Variants in PDE4D observed in about 807,000 individuals in gnomAD.
PDE4D encodes the protein 3',5'-cyclic-AMP phosphodiesterase 4D.
A neutral mutation model predicts 87.4 loss-of-function variants in PDE4D; 24 were observed. That is an observed-to-expected ratio of 0.27 (90% CI 0.20 to 0.39). The LOEUF is 0.39. PDE4D is among the 10% of genes least tolerant of loss of function. The pLI, the probability that PDE4D is intolerant of heterozygous loss-of-function variation, is 1.00. For missense variants in PDE4D, 714 were observed against 1,041.0 expected, an observed-to-expected ratio of 0.69 and a Z score of 4.32; for synonymous variants, 384 against 383.2, an observed-to-expected ratio of 1.00 and a Z score of -0.02.
chr5:59,472,264 T>C (rs1351938317), intron 1 of PDE4D, among the ~76,000 whole-genome samples: 1 of 152,184 alleles, frequency 6.6e-6, no homozygotes, highest in Non-Finnish European at 1.5e-5. Flanking sequence ...TTTGAAATCA[T>C]ACCACATATT....
chr5:60,462,293 C>G (rs1277029866), intron 1 of PDE4D, among the ~76,000 whole-genome samples: 1 of 152,090 alleles, frequency 6.6e-6, no homozygotes, highest in Non-Finnish European at 1.5e-5. Flanking sequence ...TGTGCGCACC[C>G]CTAGGCCTGA....
intron 1 of PDE4D, among the ~76,000 whole-genome samples, chr5:59,754,995 C>G (rs1321373034): frequency 6.6e-6 from 1 of 151,982 alleles, no homozygotes; most frequent in Non-Finnish European, 1.5e-5. Context: ...TGTCCCTCTT[C>G]CTATGGTGGA....
chr5:59,995,403 T>C (rs1432904819), intron 2 of PDE4D, among the ~76,000 whole-genome samples: 2 of 149,376 alleles, frequency 1.3e-5, no homozygotes, highest in South Asian at 2.2e-4. Context: ...ACTGCAACCC[T>C]CGCCTTCCAA....
chr5:59,929,889 T>C (rs922675088), intron 3 of PDE4D, among the ~76,000 whole-genome samples: 12 of 152,142 alleles, frequency 7.9e-5, no homozygotes, highest in East Asian at 1.9e-4. Flanking sequence ...GAAACCATAA[T>C]GTAAGTTTGA....
At chr5:60,430,358 A>G in intron 1 of PDE4D, 1 of 418,560 alleles carries the variant, frequency 2.4e-6, no homozygotes, top group Non-Finnish European at 4.7e-6. Context: ...ATCTTCCACT[A>G]CTTCCCCTCT....
chr5:60,144,388 T>C (rs947451902), intron 2 of PDE4D, among the ~76,000 whole-genome samples: 2 of 152,182 alleles, frequency 1.3e-5, no homozygotes, highest in East Asian at 3.8e-4. Flanking sequence ...CATTTCTTTC[T>C]ATTGCTCATC....
intron 1 of PDE4D, among the ~76,000 whole-genome samples, chr5:59,416,483 T>A (rs1202699244): frequency 6.6e-6 from 1 of 152,180 alleles, no homozygotes; most frequent in Admixed American, 6.5e-5. Context: ...AGATGTTTGC[T>A]CTACTAAGAG....
At chr5:60,468,252 C>T (rs1260978268) in intron 1 of PDE4D, among the ~76,000 whole-genome samples, 3 of 151,118 alleles carry the variant, frequency 2.0e-5, no homozygotes, top group Admixed American at 2.0e-4. Flanking sequence ...AATTCTCCCA[C>T]CTCAGCCTCC....
chr5:59,969,589 A>G (rs1034742031), intron 3 of PDE4D, among the ~76,000 whole-genome samples: 2 of 152,084 alleles, frequency 1.3e-5, no homozygotes, highest in African/African-American at 4.8e-5. Flanking sequence ...GTCCCCACCC[A>G]TATCTCATCT....
intron 3 of PDE4D, among the ~76,000 whole-genome samples, chr5:59,985,287 C>T (rs1451526833): frequency 1.3e-5 from 2 of 151,744 alleles, no homozygotes; most frequent in African/African-American, 2.4e-5. Flanking sequence ...TGCAGGCACA[C>T]ACTGCCAAGC....
intron 1 of PDE4D, among the ~76,000 whole-genome samples, chr5:59,729,935 A>C (rs1757143404): frequency 6.6e-6 from 1 of 152,090 alleles, no homozygotes; most frequent in African/African-American, 2.4e-5. Context: ...ACAAATGTAC[A>C]AAATAGCCCC....
intron 1 of PDE4D, among the ~76,000 whole-genome samples, chr5:59,675,331 T>A (rs1444148461): frequency 3.3e-5 from 5 of 152,106 alleles, no homozygotes; most frequent in African/African-American, 4.8e-5. Flanking sequence ...ACTCATAATG[T>A]CACAACTGTT....
chr5:59,501,285 G>A (rs1223861511), intron 1 of PDE4D, among the ~76,000 whole-genome samples: 2 of 152,060 alleles, frequency 1.3e-5, no homozygotes, highest in East Asian at 3.9e-4. Flanking sequence ...TCCTTTATCT[G>A]TGCTGGGATA....
At chr5:60,297,797 CA>C (rs1272118000) in intron 1 of PDE4D, among the ~76,000 whole-genome samples, 1 of 152,140 alleles carries the variant, frequency 6.6e-6, no homozygotes, top group East Asian at 1.9e-4. Flanking sequence ...AATAAGATTT[CA>C]TTGTGGAAAT....
chr5:60,167,129 A>G (rs1053182755), intron 2 of PDE4D, among the ~76,000 whole-genome samples: 3 of 152,110 alleles, frequency 2.0e-5, no homozygotes, highest in Non-Finnish European at 2.9e-5. Flanking sequence ...ATTTCTTCAA[A>G]CAAACTTTCT....
chr5:59,037,520 G>A (rs1226421563), intron 6 of PDE4D, among the ~76,000 whole-genome samples: 3 of 152,182 alleles, frequency 2.0e-5, no homozygotes, highest in Non-Finnish European at 4.4e-5. Flanking sequence ...TGCTACAGCA[G>A]GGGGTAAAAG....
intron 2 of PDE4D, among the ~76,000 whole-genome samples, chr5:60,105,641 C>A (rs1776805260): frequency 6.6e-6 from 1 of 151,960 alleles, no homozygotes; most frequent in African/African-American, 2.4e-5. Context: ...AAAGGGAAGC[C>A]CATCAGACTA....
chr5:59,308,096 T>C (rs1771781222), intron 1 of PDE4D, among the ~76,000 whole-genome samples: 1 of 150,840 alleles, frequency 6.6e-6, no homozygotes, highest in Admixed American at 6.7e-5. Flanking sequence ...TCATTCTCAG[T>C]AAACTATCGC....
intron 5 of PDE4D, among the ~76,000 whole-genome samples, chr5:59,109,290 T>A (rs535553582): frequency 1.3e-5 from 2 of 152,310 alleles, no homozygotes; most frequent in Admixed American, 1.3e-4. Context: ...CCTTCTTTCA[T>A]GGACAAAATA....
Sources: allele counts gnomAD v4.1 joint callset (sites outside exome capture counted in the v4.1 genomes callset), GRCh38; gene constraint gnomAD v4.1.1; transcripts MANE v1.5; gene names NCBI Gene and HGNC (gene_info 2026-07-23, HGNC 2026-07-21).